FAM135B: variants seen among roughly 807,000 people sequenced by gnomAD.
FAM135B encodes the protein family with sequence similarity 135 member B.
FAM135B carries 43 observed loss-of-function variants against 127.7 expected under a neutral mutation model. The ratio of observed to expected loss-of-function variants is 0.34; its 90% CI spans 0.26 to 0.43. The LOEUF is 0.43. FAM135B is among the 20% of genes least tolerant of loss of function. The probability of loss-of-function intolerance (pLI) is 1.00; values close to 1 mark genes in which losing one functional copy is unlikely to be tolerated. For missense variants in FAM135B, 1,558 were observed against 1,725.6 expected (o/e 0.90, Z 1.72); for synonymous variants, 670 against 665.1 (o/e 1.01, Z -0.11).
rs751821996 is a variant in FAM135B, at chr8:138,310,854, G to A, written c.144C>T (p.Ile48=). 1.1e-5 allele frequency: 18 copies of A among 1,613,796 alleles called. No homozygotes were observed. The highest frequency in any genetic ancestry group is 4.0e-5 in the African/African-American group (3 of 74,946). Reference sequence around the variant, plus strand: ...TCTTCTGCTCACCTGTCTGCCCAGCGATGGAGGCACTCAGTCTGTGGGGGA... The same window carrying A: ...TCTTCTGCTCACCTGTCTGCCCAGCAATGGAGGCACTCAGTCTGTGGGGGA... The part of the protein sequence containing the change: ...SRIPHRLSAS[I]AGQTESSSLH... Residue 48 remains isoleucine (I), a synonymous_variant, in exon 3 of 20, where the codon ATC becomes ATT. Transcript: ENST00000395297.
chr8:138,152,124 T>C lies in FAM135B; in HGVS notation c.2351A>G (p.Glu784Gly), dbSNP rs529560416. The C allele has an allele frequency of 3.7e-6, 6 of 1,614,010 alleles. No individual in the cohort carries two copies. The East Asian group carries it at 1.3e-4, about 36-fold the overall frequency. The change falls in exon 13 of 20, where the codon GAA (glutamate) becomes GGA (glycine). Residue 784 changes from glutamate (E) to glycine (G), a missense_variant. Transcript: ENST00000395297. ...PHISSPEEAA[E>G]DADTKQQDGG... ...ATCTTGCTGCTTGGTGTCCGCATCT[T>C]CAGCAGCCTCCTCTGGGCTACTGAT...
chr8:138,259,567 G>A (rs1206517629), intron 4 of FAM135B, among the ~76,000 whole-genome samples: 1 of 152,096 alleles, frequency 6.6e-6, no homozygotes, highest in African/African-American at 2.4e-5. Context: ...TCAACCATGG[G>A]GGCTGGCCAC....
At chr8:138,182,630 C>T (rs548174458) in intron 9 of FAM135B, among the ~76,000 whole-genome samples, 6 of 152,292 alleles carry the variant, frequency 3.9e-5, no homozygotes, top group Non-Finnish European at 4.4e-5. Flanking sequence ...TTATAATATA[C>T]TTGTAAACTA....
chr8:138,190,373 T>A, intron 9 of FAM135B, among the ~76,000 whole-genome samples: 1 of 152,162 alleles, frequency 6.6e-6, no homozygotes, highest in East Asian at 1.9e-4. Context: ...CTTCCTCCCT[T>A]TGGAATTCAG....
intron 9 of FAM135B, among the ~76,000 whole-genome samples, chr8:138,182,601 T>C (rs953519532): frequency 3.3e-5 from 5 of 152,234 alleles, no homozygotes; most frequent in African/African-American, 1.2e-4. Flanking sequence ...GATCGTGTTA[T>C]AGCTATTTAA....
At chr8:138,479,904 T>TACCTCCTAAC (rs1300093111) in intron 1 of FAM135B, among the ~76,000 whole-genome samples, 4 of 152,174 alleles carry the variant, frequency 2.6e-5, no homozygotes, top group Non-Finnish European at 4.4e-5. Flanking sequence ...TGCACCTAAT[T>TACCTCCTAAC]TTCCCACAAA....
At chr8:138,283,527 AT>A (rs1189164900) in intron 3 of FAM135B, among the ~76,000 whole-genome samples, 1 of 152,122 alleles carries the variant, frequency 6.6e-6, no homozygotes, top group South Asian at 2.1e-4. Flanking sequence ...TGATCCTCTA[AT>A]GGTGGATATG....
At chr8:138,485,081 A>T (rs995298676) in intron 1 of FAM135B, among the ~76,000 whole-genome samples, 1 of 152,234 alleles carries the variant, frequency 6.6e-6, no homozygotes, top group Admixed American at 6.5e-5. Flanking sequence ...CAGATAACTA[A>T]TATCAAGTCC....
intron 1 of FAM135B, among the ~76,000 whole-genome samples, chr8:138,368,418 A>G (rs1171409593): frequency 6.6e-6 from 1 of 152,218 alleles, no homozygotes; most frequent in Non-Finnish European, 1.5e-5. Flanking sequence ...TCTCATCTGT[A>G]ACGTGAGGAC....
chr8:138,427,271 G>A (rs1033481453), intron 1 of FAM135B, among the ~76,000 whole-genome samples: 1 of 145,638 alleles, frequency 6.9e-6, no homozygotes, highest in Non-Finnish European at 1.5e-5. Context: ...AATTCATCAA[G>A]ATTATATATA....
intron 2 of FAM135B, among the ~76,000 whole-genome samples, chr8:138,312,012 T>C (rs1033137814): frequency 9.2e-5 from 14 of 152,184 alleles, no homozygotes; most frequent in Admixed American, 2.0e-4. Flanking sequence ...AGTGGTATGA[T>C]CTCAGCTAAC....
At chr8:138,204,394 C>T (rs1044740973) in intron 7 of FAM135B, among the ~76,000 whole-genome samples, 2 of 152,170 alleles carry the variant, frequency 1.3e-5, no homozygotes, top group Non-Finnish European at 2.9e-5. Flanking sequence ...TCCCTGAACA[C>T]TTTGGGAGTA....
intron 3 of FAM135B, among the ~76,000 whole-genome samples, chr8:138,301,147 G>A (rs534633715): frequency 6.6e-6 from 1 of 152,044 alleles, no homozygotes; most frequent in African/African-American, 2.4e-5. Context: ...CAGGACCTTG[G>A]GCCACACATT....
At chr8:138,177,239 G>A in intron 11 of FAM135B, 108 bp downstream of exon 11, 1 of 996,760 alleles carries the variant, frequency 1.0e-6, no homozygotes, top group South Asian at 1.6e-5. Context: ...TGCAGAGGTG[G>A]GCAGACTTCT....
chr8:138,406,170 G>C (rs1184717217), intron 1 of FAM135B, among the ~76,000 whole-genome samples: 5 of 151,350 alleles, frequency 3.3e-5, no homozygotes, highest in Non-Finnish European at 7.4e-5. Context: ...TAGGTTGCCT[G>C]TTCACTCCGA....
chr8:138,183,883 T>C (rs1815311855), intron 9 of FAM135B, among the ~76,000 whole-genome samples: 1 of 152,246 alleles, frequency 6.6e-6, no homozygotes, highest in Non-Finnish European at 1.5e-5. Flanking sequence ...TCAGCAAATA[T>C]TTAGCACGCT....
At chr8:138,156,330 A>G (rs1474701479) in intron 12 of FAM135B, among the ~76,000 whole-genome samples, 1 of 152,230 alleles carries the variant, frequency 6.6e-6, no homozygotes, top group Non-Finnish European at 1.5e-5. Context: ...CTAAATGCCC[A>G]CAAGAGAAAG....
intron 1 of FAM135B, among the ~76,000 whole-genome samples, chr8:138,377,456 G>A (rs1831553267): frequency 6.6e-6 from 1 of 152,164 alleles, no homozygotes; most frequent in African/African-American, 2.4e-5. Flanking sequence ...AAGTCCAAGA[G>A]CAGAGCATCT....
intron 1 of FAM135B, among the ~76,000 whole-genome samples, chr8:138,372,150 T>C (rs1563945458): frequency 1.3e-5 from 2 of 152,158 alleles, no homozygotes; most frequent in Non-Finnish European, 2.9e-5. Context: ...ATCTGTTCTG[T>C]TCAGAAAGTG....
Sources: gnomAD v4.1 joint callset for allele counts (sites outside exome capture counted in the v4.1 genomes callset) on GRCh38, gnomAD v4.1.1 for gene constraint, MANE v1.5 for transcripts, NCBI Gene and HGNC (gene_info 2026-07-23, HGNC 2026-07-21) for gene names.